Variants in MRGPRX3 observed in about 807,000 individuals in gnomAD.
The protein encoded by MRGPRX3 is MAS related GPR family member X3, also known as mas-related G protein-coupled receptor member X3.
Under a neutral mutation model 16.5 loss-of-function variants are expected in MRGPRX3, and 14 were observed. The observed-to-expected ratio is 0.85, with a 90% confidence interval of 0.56 to 1.33. The LOEUF is 1.33. Among genes scored for constraint, MRGPRX3 ranks in the 40% most tolerant of loss-of-function variants. MRGPRX3 has a pLI of 0.00. For missense variants in MRGPRX3, 449 were observed against 413.0 expected, an observed-to-expected ratio of 1.09 and a Z score of -0.76; for synonymous variants, 199 against 180.1, an observed-to-expected ratio of 1.10 and a Z score of -0.84.
chr11:18,129,604 A>G (rs1184320250), upstream of MRGPRX3, among the ~76,000 whole-genome samples: 2 of 152,252 alleles, frequency 1.3e-5, no homozygotes, highest in African/African-American at 2.4e-5. Flanking sequence ...ATTCTATCAG[A>G]TATTCAAAGA....
Position 18,137,418 on chromosome 11 carries a change from C to A in MRGPRX3, c.216C>A (p.Asp72Glu), listed in dbSNP as rs751133177. 9 of 1,614,194 alleles carry A rather than the reference C, an allele frequency of 5.6e-6. 1 individual carries two copies. The South Asian group carries it at 9.9e-5, about 18-fold the overall frequency. Residue 72 changes from aspartate to glutamate, a missense_variant, in exon 2 of 2, where the codon GAC becomes GAA. Transcript: ENST00000621697. ...ACATCCTCAACCTGGTCGCGGCCGACTTCCTCTTCCTTAGCGGCCACATTA... is the reference window on the plus strand; with the variant it reads ...ACATCCTCAACCTGGTCGCGGCCGAATTCCTCTTCCTTAGCGGCCACATTA... ...SIYILNLVAA[D>E]FLFLSGHIIC...
chr11:18,128,905 A>G (rs1487010368), upstream of MRGPRX3, among the ~76,000 whole-genome samples: 1 of 152,148 alleles, frequency 6.6e-6, no homozygotes, highest in African/African-American at 2.4e-5. Context: ...AGCTGTTCCT[A>G]TTTGGCCATC....
chr11:18,137,757 T>A lies in MRGPRX3; in HGVS notation c.555T>A (p.Val185=). 6.2e-7 allele frequency: 1 copy of A among 1,614,110 alleles called. No homozygotes were observed. The highest frequency in any genetic ancestry group is 8.5e-7 in the Non-Finnish European group (1 of 1,180,026). ...ATTTCATTACAATCGCGTGGCTGGT[T>A]TTTTTATGTGTGGTTCTCTGTGGGT... ...TSDFITIAWL[V]FLCVVLCGSS... Residue 185 remains valine, a synonymous_variant, in exon 2 of 2, where the codon GTT becomes GTA. Coordinates refer to ENST00000621697, the MANE Select transcript of MRGPRX3 (RefSeq NM_001370464.1).
chr11:18,129,380 A>G (rs1409854856), upstream of MRGPRX3, among the ~76,000 whole-genome samples: 1 of 152,250 alleles, frequency 6.6e-6, no homozygotes, highest in East Asian at 1.9e-4. Context: ...ATAGAAATAC[A>G]AAAGATCTTT....
At chr11:18,126,562 T>C (rs990580621) in intron 1 of MRGPRX3, among the ~76,000 whole-genome samples, 4 of 152,146 alleles carry the variant, frequency 2.6e-5, no homozygotes. Flanking sequence ...TACATATGTA[T>C]ACAGGTACCA....
intron 1 of MRGPRX3, among the ~76,000 whole-genome samples, chr11:18,132,944 A>G (rs1160883270): frequency 6.6e-6 from 1 of 152,024 alleles, no homozygotes; most frequent in Admixed American, 6.5e-5. Context: ...CTTCTAATTT[A>G]TCTCCCCATA....
Position 18,138,225 on chromosome 11 carries a change from C to T in MRGPRX3, c.*54C>T, listed in dbSNP as rs2134087320. On this transcript the variant is annotated 3_prime_UTR_variant, in exon 2 of 2. Coordinates refer to ENST00000621697, the MANE Select transcript of MRGPRX3 (RefSeq NM_001370464.1). The stretch of plus-strand genomic sequence containing the variant: ...CTTTGAGAGCAATGCTGCCCTGCCA[C>T]CCTTGACAATTATATGCATTTTTCT... 1 of 1,530,716 alleles carries T rather than the reference C, an allele frequency of 6.5e-7. No individual in the cohort carries two copies. Among genetic ancestry groups the T allele is most frequent in the Non-Finnish European group, 8.8e-7 (1 of 1,142,212 alleles). The allele number at this position is 1,530,716 out of a possible 1,614,324, so 94.8% of individuals were successfully genotyped here. A position where few individuals can be genotyped will look rare whatever the true frequency, so the allele number is the denominator to read the frequency against.
Position 18,137,546 on chromosome 11 carries a change from C to T in MRGPRX3, c.344C>T (p.Ala115Val), listed in dbSNP as rs767130852. 2 of 1,614,184 alleles carry T rather than the reference C, an allele frequency of 1.2e-6. No individual in the cohort carries two copies. Among genetic ancestry groups the T allele is most frequent in the South Asian group, 1.1e-5 (1 of 91,082 alleles). Reference protein sequence around the residue: ...PYFIGLSMLSAISTERCLSIL... With the variant: ...PYFIGLSMLSVISTERCLSIL... ...TTTATAGGCCTAAGCATGCTGAGCG[C>T]CATCAGCACCGAGCGCTGCCTGTCC... is the stretch of plus-strand genomic sequence containing the variant. The change falls in exon 2 of 2, where the codon GCC becomes GTC. Residue 115 changes from alanine to valine, a missense_variant. By Grantham distance (64) the Ala-to-Val change is moderately conservative. Coordinates refer to ENST00000621697, the MANE Select transcript of MRGPRX3 (RefSeq NM_001370464.1).
At chr11:18,123,950 A>G (rs1307456025) in intron 1 of MRGPRX3, among the ~76,000 whole-genome samples, 2 of 152,060 alleles carry the variant, frequency 1.3e-5, no homozygotes, top group Non-Finnish European at 2.9e-5. Context: ...CTTTGAAGCA[A>G]TTGTGAATAG....
intron 1 of MRGPRX3, among the ~76,000 whole-genome samples, chr11:18,133,529 T>C (rs1018551935): frequency 2.0e-5 from 3 of 151,998 alleles, no homozygotes; most frequent in Admixed American, 2.0e-4. Context: ...CCTTTGGTAT[T>C]GTTGTTGTGA....
chr11:18,125,129 C>CA (rs373382149), intron 1 of MRGPRX3, among the ~76,000 whole-genome samples: 1 of 151,868 alleles, frequency 6.6e-6, no homozygotes, highest in African/African-American at 2.4e-5. Context: ...TTGATCTTTT[C>CA]AAAAAAACAG....
upstream of MRGPRX3, among the ~76,000 whole-genome samples, chr11:18,130,064 G>A (rs1488335726): frequency 6.6e-6 from 1 of 152,126 alleles, no homozygotes; most frequent in Non-Finnish European, 1.5e-5. Context: ...CGGACCCACA[G>A]CAAACATTAT....
At chr11:18,136,057 A>G (rs1377327203) in intron 1 of MRGPRX3, among the ~76,000 whole-genome samples, 1 of 151,824 alleles carries the variant, frequency 6.6e-6, no homozygotes, top group Non-Finnish European at 1.5e-5. Flanking sequence ...TCTCTTTACA[A>G]CCCAAGCCCT....
chr11:18,128,855 G>A (rs536511709), upstream of MRGPRX3, among the ~76,000 whole-genome samples: 14 of 152,286 alleles, frequency 9.2e-5, no homozygotes, highest in East Asian at 1.9e-4. Flanking sequence ...GAAATCATTC[G>A]TCAGATTCTG....
intron 1 of MRGPRX3, among the ~76,000 whole-genome samples, chr11:18,121,679 C>G (rs1463719161): frequency 6.6e-6 from 1 of 152,158 alleles, no homozygotes; most frequent in East Asian, 1.9e-4. Flanking sequence ...GCCTTGGGAT[C>G]CTGTTGATCT....
upstream of MRGPRX3, among the ~76,000 whole-genome samples, chr11:18,130,032 A>C (rs1406622408): frequency 1.3e-5 from 2 of 152,246 alleles, no homozygotes; most frequent in African/African-American, 4.8e-5. Flanking sequence ...ACATACCTTA[A>C]TGTAATAAAA....
In MRGPRX3 at chr11:18,137,652, C is replaced by T. The variant is rs768160833; in HGVS notation, c.450C>T (p.Ser150=). ...SVMCVLLWAL[S]LLRSILEWMF... is the part of the protein sequence containing the mutation. ...TGTGTGTCCTGCTCTGGGCCCTGTC[C>T]CTGCTGCGGAGTATCCTGGAGTGGA... Residue 150 remains serine, a synonymous_variant, in exon 2 of 2, where the codon TCC becomes TCT. Coordinates refer to ENST00000621697, the MANE Select transcript of MRGPRX3 (RefSeq NM_001370464.1). The T allele has an allele frequency of 6.2e-7, 1 of 1,614,120 alleles. No homozygotes were observed. Among genetic ancestry groups the T allele is most frequent in the Non-Finnish European group, 8.5e-7 (1 of 1,180,022 alleles).
chr11:18,127,680 T>A (rs1044673911), upstream of MRGPRX3, among the ~76,000 whole-genome samples: 1 of 152,242 alleles, frequency 6.6e-6, no homozygotes, highest in Admixed American at 6.5e-5. Context: ...ATCTAATCTT[T>A]TTTCAAGGTT....
chr11:18,138,080 G>A lies in MRGPRX3; in HGVS notation c.878G>A (p.Arg293Lys), dbSNP rs1255366788. ...NRQNLKLVLQRALQDTPEVDE... is the reference protein window; with the variant it reads ...NRQNLKLVLQKALQDTPEVDE... The stretch of plus-strand genomic sequence containing the variant: ...CAGAACCTGAAGCTGGTTCTCCAGA[G>A]GGCTCTGCAGGACACGCCTGAGGTG... The change falls in exon 2 of 2, where the codon AGG (arginine) becomes AAG (lysine). Residue 293 changes from arginine to lysine, a missense_variant. Arg to Lys is a conservative substitution (Grantham distance 26, BLOSUM62 2). Transcript: ENST00000621697. 1.3e-5 allele frequency: 21 copies of A among 1,614,210 alleles called. 1 individual carries two copies. The highest frequency in any genetic ancestry group is 5.0e-5 in the Admixed American group (3 of 60,028).
Sources: allele counts gnomAD v4.1 joint callset (sites outside exome capture counted in the v4.1 genomes callset), GRCh38; gene constraint gnomAD v4.1.1; transcripts MANE v1.5; gene names NCBI Gene and HGNC (gene_info 2026-07-23, HGNC 2026-07-21).